The following BLTP3A variants were observed in gnomAD, a reference collection of about 807,000 sequenced individuals.
The protein encoded by BLTP3A is bridge-like lipid transfer protein family member 3A.
the BLTP3A span, among the ~76,000 whole-genome samples, chr6:34,840,135 T>G: frequency 6.6e-6 from 1 of 152,218 alleles, no homozygotes; most frequent in African/African-American, 2.4e-5. Flanking sequence ...CCTAGGCATA[T>G]TCCTTGACCA....
chr6:34,824,269 A>C, the BLTP3A span, among the ~76,000 whole-genome samples: 1 of 152,156 alleles, frequency 6.6e-6, no homozygotes, highest in East Asian at 1.9e-4. Flanking sequence ...GCGGTGGCTC[A>C]CGCCTGTAAT....
the BLTP3A span, chr6:34,834,936 A>G: frequency 6.5e-7 from 1 of 1,542,886 alleles, no homozygotes; most frequent in Non-Finnish European, 8.8e-7. Context: ...GTATTCCCTT[A>G]TTGTTTGGAA....
chr6:34,823,304 G>GC, the BLTP3A span: 3 of 1,613,990 alleles, frequency 1.9e-6, no homozygotes, highest in Admixed American at 1.7e-5. Flanking sequence ...AGGATCCTCG[G>GC]CCCCCCAATG....
the BLTP3A span, among the ~76,000 whole-genome samples, chr6:34,801,168 T>C: frequency 6.6e-6 from 1 of 152,214 alleles, no homozygotes; most frequent in African/African-American, 2.4e-5. Flanking sequence ...GCCTATCATT[T>C]TAAAAAATTG....
chr6:34,801,994 C>T, the BLTP3A span, among the ~76,000 whole-genome samples: 1 of 152,102 alleles, frequency 6.6e-6, no homozygotes, highest in African/African-American at 2.4e-5. Context: ...ACCTCGGCCT[C>T]CCCAAGTGCT....
the BLTP3A span, among the ~76,000 whole-genome samples, chr6:34,818,020 A>ATT: frequency 6.8e-6 from 1 of 147,166 alleles, no homozygotes; most frequent in African/African-American, 2.5e-5. Flanking sequence ...CGACCGGCTA[A>ATT]TTTTTTTTTT....
chr6:34,805,082 T>C, the BLTP3A span, among the ~76,000 whole-genome samples: 1 of 151,946 alleles, frequency 6.6e-6, no homozygotes, highest in Non-Finnish European at 1.5e-5. Context: ...TGGGTTGAGC[T>C]CGGAAGTTCC....
chr6:34,805,276 G>C, the BLTP3A span, among the ~76,000 whole-genome samples: 1 of 149,904 alleles, frequency 6.7e-6, no homozygotes. Flanking sequence ...GTGAGATCAT[G>C]ACTCAAAAAA....
chr6:34,857,219 C>A, the BLTP3A span: 1 of 1,319,292 alleles, frequency 7.6e-7, no homozygotes, highest in Non-Finnish European at 1.0e-6. Flanking sequence ...ACACTGTGTT[C>A]CCTGTGACAG....
chr6:34,836,493 A>G, the BLTP3A span: 4 of 729,682 alleles, frequency 5.5e-6, no homozygotes, highest in Non-Finnish European at 4.5e-6. Flanking sequence ...CTTGGGCCTC[A>G]GCCCTCCTGT....
the BLTP3A span, among the ~76,000 whole-genome samples, chr6:34,793,198 G>A: frequency 1.3e-5 from 2 of 152,206 alleles, no homozygotes; most frequent in African/African-American, 4.8e-5. Context: ...CCGAGTGACT[G>A]CTGAACCCCG....
chr6:34,792,806 T>C, the BLTP3A span, among the ~76,000 whole-genome samples: 72,216 of 152,038 alleles, frequency 0.47, 20,351 homozygotes, highest in African/African-American at 0.8. Flanking sequence ...ATAACCCTGC[T>C]ACCAGTCCTG....
chr6:34,833,615 T>C, the BLTP3A span, among the ~76,000 whole-genome samples: 1 of 151,974 alleles, frequency 6.6e-6, no homozygotes, highest in Non-Finnish European at 1.5e-5. Flanking sequence ...TATTCCATTC[T>C]TAAAAAAAAA....
the BLTP3A span, chr6:34,856,849 C>G: frequency 6.2e-7 from 1 of 1,614,090 alleles, no homozygotes; most frequent in Admixed American, 1.7e-5. Context: ...GGGCAGACAG[C>G]CTGCCTTTCA....
the BLTP3A span, among the ~76,000 whole-genome samples, chr6:34,806,290 T>C: frequency 6.6e-6 from 1 of 152,244 alleles, no homozygotes; most frequent in Non-Finnish European, 1.5e-5. Context: ...TAGAGACCTT[T>C]GTTTTTATTT....
the BLTP3A span, chr6:34,872,197 C>A: frequency 8.0e-7 from 1 of 1,245,894 alleles, no homozygotes; most frequent in Non-Finnish European, 1.1e-6. Context: ...TTATCTTAAT[C>A]ATTGACATAA....
chr6:34,821,657 A>T, the BLTP3A span: 1 of 1,608,804 alleles, frequency 6.2e-7, no homozygotes, highest in South Asian at 1.1e-5. Flanking sequence ...TTTCAGGTTC[A>T]CTAAGAATCT....
chr6:34,815,444 T>G, the BLTP3A span, among the ~76,000 whole-genome samples: 7 of 151,852 alleles, frequency 4.6e-5, no homozygotes, highest in South Asian at 2.1e-4. Flanking sequence ...CAGATGGAGG[T>G]TCTCCATGTT....
chr6:34,804,478 G>A, the BLTP3A span, among the ~76,000 whole-genome samples: 2 of 152,160 alleles, frequency 1.3e-5, no homozygotes, highest in Non-Finnish European at 2.9e-5. Context: ...AGAGCTGGGG[G>A]GTTGGAGTGG....
Sources: gnomAD v4.1 joint callset for allele counts (sites outside exome capture counted in the v4.1 genomes callset) on GRCh38, gnomAD v4.1.1 for gene constraint, MANE v1.5 for transcripts, NCBI Gene and HGNC (gene_info 2026-07-23, HGNC 2026-07-21) for gene names.